Variants in SI observed in about 807,000 individuals in gnomAD.
SI encodes sucrase-isomaltase.
SI carries 235 observed loss-of-function variants against 253.3 expected under a neutral mutation model. The ratio of observed to expected loss-of-function variants is 0.93; its 90% CI spans 0.83 to 1.03. SI has a LOEUF of 1.03. Among genes scored for constraint, SI ranks in the 50% least tolerant of loss-of-function variants. The pLI is 0.00. For synonymous variants in SI, 819 were observed against 712.0 expected (o/e 1.15, Z -2.39); for missense variants, 2,442 against 2,211.1 (o/e 1.10, Z -2.09).
chr3:165,070,628 T>C (rs1295326007), intron 3 of SI, among the ~76,000 whole-genome samples: 2 of 151,932 alleles, frequency 1.3e-5, no homozygotes, highest in Non-Finnish European at 2.9e-5. Flanking sequence ...TACATTTATA[T>C]AAATACATCT....
chr3:165,088,237 T>C, the SI span, among the ~76,000 whole-genome samples: 1 of 152,004 alleles, frequency 6.6e-6, no homozygotes, highest in African/African-American at 2.4e-5. Context: ...TCCCAGCTAC[T>C]CTGGAAGCTG....
intron 13 of SI, among the ~76,000 whole-genome samples, chr3:165,051,415 T>C (rs1180701416): frequency 6.6e-6 from 1 of 152,046 alleles, no homozygotes; most frequent in Non-Finnish European, 1.5e-5. Flanking sequence ...AGTACAAAAA[T>C]ATCTAAAGCT....
Position 165,033,464 on chromosome 3 carries a change from G to A in SI, c.2516-20C>T. ...TTGTATCTGAAATGAAAAATATCGT[G>A]ATCAGTACAAAATGCAATGTTAAAT... On this transcript the variant is annotated intron_variant, in intron 22 of 47. Transcript: ENST00000264382. 2 of 1,525,460 alleles carry A rather than the reference G, an allele frequency of 1.3e-6. No homozygotes were observed. Among genetic ancestry groups the A allele is most frequent in the Non-Finnish European group, 1.8e-6 (2 of 1,131,528 alleles). The allele number at this position is 1,525,460 out of a possible 1,614,324, so 94.5% of individuals were successfully genotyped here.
In SI at chr3:165,017,657, A is replaced by G; in HGVS notation, c.3650T>C (p.Val1217Ala). The G allele has an allele frequency of 1.2e-6, 2 of 1,612,848 alleles. No individual in the cohort carries two copies. The highest frequency in any genetic ancestry group is 8.5e-7 in the Non-Finnish European group (1 of 1,179,138). ...KQYHEVIGHPVMPAYWALGFQ... is the reference protein window; with the variant it reads ...KQYHEVIGHPAMPAYWALGFQ... ...TCCCAAAGCCCAATAAGCTGGCATG[A>G]CTGGATGGCCAATTACCTTTAAAAA... is the stretch of plus-strand genomic sequence containing the variant. Residue 1217 changes from valine (V) to alanine (A), a missense_variant, in exon 31 of 48, where the codon GTC (valine) becomes GCC (alanine). Val to Ala is a moderately conservative substitution (Grantham distance 64, BLOSUM62 0). Coordinates refer to ENST00000264382, the MANE Select transcript of SI (RefSeq NM_001041.4).
the SI span, among the ~76,000 whole-genome samples, chr3:165,085,111 T>C: frequency 6.6e-6 from 1 of 152,142 alleles, no homozygotes; most frequent in East Asian, 1.9e-4. Flanking sequence ...GACCTGGGTG[T>C]TCACCAGACT....
intron 6 of SI, among the ~76,000 whole-genome samples, chr3:165,065,747 T>G (rs369503535): frequency 6.6e-6 from 1 of 151,504 alleles, no homozygotes; most frequent in Non-Finnish European, 1.5e-5. Context: ...TTAATTGATG[T>G]TTTTAGGGAT....
intron 34 of SI, among the ~76,000 whole-genome samples, chr3:165,010,866 C>T (rs1718739038): frequency 1.3e-5 from 2 of 152,176 alleles, no homozygotes; most frequent in South Asian, 4.1e-4. Flanking sequence ...CCATGCCTGT[C>T]TCTCTAGTGG....
chr3:164,996,702 ATAATT>A, intron 39 of SI, 31 bp downstream of exon 39: 1 of 1,259,516 alleles, frequency 7.9e-7, no homozygotes, highest in Non-Finnish European at 1.2e-6. Context: ...ATGAATGTTT[ATAATT>A]TATGAAGATA....
chr3:165,054,861 C>T (rs1177362278), intron 13 of SI, among the ~76,000 whole-genome samples: 1 of 152,052 alleles, frequency 6.6e-6, no homozygotes. Context: ...TTGCTAATTG[C>T]ACTGCAATAG....
intron 1 of SI, among the ~76,000 whole-genome samples, chr3:165,077,838 A>G (rs1333538912): frequency 6.6e-6 from 1 of 151,642 alleles, no homozygotes; most frequent in Non-Finnish European, 1.5e-5. Context: ...AAAAATCAAA[A>G]CAAAATTTAA....
In SI at chr3:165,058,061, T is replaced by TA. The variant is rs76208435; in HGVS notation, c.1398+901dup. ...AAACAAGTCTTAAAATATTTTTTTT[T>TA]AAAAAATTGAAATCATATCAACTAT... On this transcript the variant is annotated intron_variant, in intron 12 of 47. Coordinates refer to ENST00000264382, the MANE Select transcript of SI (RefSeq NM_001041.4). Among the ~76,000 whole-genome samples, 473 of 151,326 alleles carry TA rather than the reference T, an allele frequency of 3.1e-3. 2 individuals are homozygous for TA. The highest frequency in any genetic ancestry group is 0.011 in the African/African-American group (434 of 41,304).
intron 7 of SI, among the ~76,000 whole-genome samples, 184 bp downstream of exon 7, chr3:165,065,077 T>A (rs1022308845): frequency 3.4e-4 from 51 of 151,982 alleles, no homozygotes; most frequent in African/African-American, 1.1e-3. Context: ...AATCTGTTGG[T>A]CACTGAGTCA....
chr3:164,982,123 T>A, intron 47 of SI, 120 bp downstream of exon 47: 1 of 715,256 alleles, frequency 1.4e-6, no homozygotes, highest in South Asian at 1.8e-5. Flanking sequence ...TGAAAAGGAA[T>A]ATATGAAGAA....
At chr3:165,055,557 C>T (rs1003775964) in intron 12 of SI, among the ~76,000 whole-genome samples, 1 of 151,786 alleles carries the variant, frequency 6.6e-6, no homozygotes, top group Admixed American at 6.6e-5. Flanking sequence ...TATAAGGCTG[C>T]TATTTTGACT....
chr3:165,020,615 T>A (rs1347932975), intron 27 of SI, among the ~76,000 whole-genome samples: 1 of 151,566 alleles, frequency 6.6e-6, no homozygotes, highest in Non-Finnish European at 1.5e-5. Flanking sequence ...TTTGTACATA[T>A]CTTGACAATA....
At position 164,994,393 on chromosome 3, in the gene SI, C is replaced by A. The variant is rs369134336; in HGVS notation, c.4705G>T (p.Ala1569Ser). The A allele has an allele frequency of 3.1e-6, 5 of 1,610,468 alleles. No individual in the cohort carries two copies. The highest frequency in any genetic ancestry group is 1.3e-5 in the African/African-American group (1 of 74,712). Residue 1569 changes from alanine (A) to serine (S), a missense_variant, in exon 41 of 48, where the codon GCT becomes TCT. Physicochemically the swap from Ala to Ser is moderately conservative, Grantham distance 99. Transcript: ENST00000264382. ...TCAGCAAAAGTTTCATTCCAGGAAG[C>A]GGGATCTTGTCTCTGAAACAAAGCA... is the stretch of plus-strand genomic sequence containing the variant. ...NIANTRRQDPASWNETFAEMS... is the reference protein window; with the variant it reads ...NIANTRRQDPSSWNETFAEMS...
At chr3:165,033,672 A>AT (rs1712366627) in intron 22 of SI, among the ~76,000 whole-genome samples, 1 of 151,472 alleles carries the variant, frequency 6.6e-6, no homozygotes, top group African/African-American at 2.4e-5. Context: ...TGCCTTGCTT[A>AT]TTTTTTCAAA....
Position 165,067,655 on chromosome 3 carries a change from T to C in SI, c.484-164A>G, listed in dbSNP as rs564187558. Among the ~76,000 whole-genome samples, 11 of 152,188 alleles carry C rather than the reference T, an allele frequency of 7.2e-5. No individual in the cohort carries two copies. The East Asian group carries it at 2.1e-3, about 29-fold the overall frequency. ...TAATTTTAATATTTTTGAATGGCTA[T>C]GCACAGAAAAAGTGTATAAATTTTA... On this transcript the variant is annotated intron_variant, in intron 5 of 47. Coordinates refer to ENST00000264382, the MANE Select transcript of SI (RefSeq NM_001041.4).
intron 18 of SI, 73 bp from the exon 19 acceptor site, chr3:165,040,044 C>T: frequency 8.1e-7 from 1 of 1,231,150 alleles, no homozygotes; most frequent in Non-Finnish European, 1.2e-6. Flanking sequence ...TTCAGTTTAT[C>T]TTTTCAGTTT....
Sources: gnomAD v4.1 joint callset for allele counts (sites outside exome capture counted in the v4.1 genomes callset) on GRCh38, gnomAD v4.1.1 for gene constraint, MANE v1.5 for transcripts, NCBI Gene and HGNC (gene_info 2026-07-23, HGNC 2026-07-21) for gene names.